DLGAP1: variants seen among roughly 807,000 people sequenced by gnomAD.
DLGAP1 encodes disks large-associated protein 1.
In DLGAP1, 11 loss-of-function variants were observed where a neutral mutation model predicts 90.8. That is an observed-to-expected ratio of 0.12 (90% CI 0.08 to 0.20). DLGAP1 has a LOEUF of 0.20. Among genes scored for constraint, DLGAP1 ranks in the 10% least tolerant of loss-of-function variants. The pLI is 1.00. For missense variants in DLGAP1, 1,050 were observed against 1,333.8 expected, an observed-to-expected ratio of 0.79 and a Z score of 3.31; for synonymous variants, 558 against 540.7, an observed-to-expected ratio of 1.03 and a Z score of -0.44.
intron 7 of DLGAP1, among the ~76,000 whole-genome samples, chr18:3,667,291 C>G (rs1166511489): frequency 6.6e-6 from 1 of 152,118 alleles, no homozygotes; most frequent in Non-Finnish European, 1.5e-5. Context: ...GTTGGCCAGG[C>G]TGGTCTCAAA....
chr18:3,585,980 C>G (rs1294543939), intron 7 of DLGAP1, among the ~76,000 whole-genome samples: 1 of 152,208 alleles, frequency 6.6e-6, no homozygotes, highest in African/African-American at 2.4e-5. Context: ...GGCTCCTACA[C>G]TCCCCAGGCC....
At chr18:3,574,779 TTTTTA>T (rs71366687) in intron 8 of DLGAP1, among the ~76,000 whole-genome samples, 12,981 of 140,782 alleles carry the variant, frequency 0.092, 1,176 homozygotes, top group African/African-American at 0.24. Context: ...ATAATGTGCC[TTTTTA>T]TTTTATTTTA....
chr18:3,896,438 C>T (rs1031052602), intron 3 of DLGAP1: 1 of 152,170 alleles, frequency 6.6e-6, no homozygotes, highest in African/African-American at 2.4e-5. Context: ...GATAATACTA[C>T]CATATTTCAT....
At chr18:4,313,462 T>C (rs2080452255) in intron 1 of DLGAP1, among the ~76,000 whole-genome samples, 2 of 152,122 alleles carry the variant, frequency 1.3e-5, no homozygotes, top group African/African-American at 4.8e-5. Flanking sequence ...GTCAAGAATA[T>C]TTTTATTACT....
In DLGAP1 at chr18:4,419,885, A is replaced by G. The variant is rs576365187; in HGVS notation, c.-267+35121T>C. On this transcript the variant is annotated intron_variant, in intron 1 of 12. Coordinates refer to ENST00000315677, the MANE Select transcript of DLGAP1 (RefSeq NM_004746.4). Reference sequence around the variant, plus strand: ...CAGGTAAGACAAATAGAAAACAGCTAACATAGAAGGCCAAAAAAATCAAAA... The same window carrying G: ...CAGGTAAGACAAATAGAAAACAGCTGACATAGAAGGCCAAAAAAATCAAAA... Among the ~76,000 whole-genome samples, 34 of 152,282 alleles carry G rather than the reference A, an allele frequency of 2.2e-4. No individual in the cohort carries two copies. In the East Asian group the frequency reaches 5.6e-3, roughly 25 times the overall value.
intron 1 of DLGAP1, among the ~76,000 whole-genome samples, chr18:4,439,296 C>A (rs1303868416): frequency 1.3e-5 from 2 of 152,232 alleles, no homozygotes; most frequent in African/African-American, 4.8e-5. Flanking sequence ...AGACTTCAAA[C>A]CAAACCTTTA....
chr18:4,387,923 TCACACATACACACACACACACA>T (rs1187414319), intron 1 of DLGAP1, among the ~76,000 whole-genome samples: 564 of 33,682 alleles, frequency 0.017, 4 homozygotes, highest in African/African-American at 0.032. Flanking sequence ...AGAGACTCCA[TCACACATACACACACACACACA>T]CACACACACA....
chr18:3,759,122 A>G (rs909396767), intron 5 of DLGAP1, among the ~76,000 whole-genome samples: 2 of 152,136 alleles, frequency 1.3e-5, no homozygotes, highest in Non-Finnish European at 2.9e-5. Flanking sequence ...AGACATTGCT[A>G]TTGTGAAGAG....
intron 1 of DLGAP1, among the ~76,000 whole-genome samples, chr18:4,433,766 T>C (rs28513385): frequency 0.064 from 9,698 of 152,302 alleles, 1,012 homozygotes; most frequent in African/African-American, 0.22. Flanking sequence ...TGCAAATATA[T>C]GTGACTGTCA....
intron 1 of DLGAP1, among the ~76,000 whole-genome samples, chr18:4,390,349 G>A (rs2082316857): frequency 6.6e-6 from 1 of 151,686 alleles, no homozygotes; most frequent in African/African-American, 2.4e-5. Context: ...TGTAATTGAT[G>A]AACCTCTATT....
At chr18:4,367,235 G>A (rs558812965) in intron 1 of DLGAP1, among the ~76,000 whole-genome samples, 48 of 151,310 alleles carry the variant, frequency 3.2e-4, no homozygotes, top group African/African-American at 8.3e-4. Flanking sequence ...AAGAACTTGC[G>A]TAGTATAACT....
intron 9 of DLGAP1, among the ~76,000 whole-genome samples, chr18:3,566,574 A>G (rs897652812): frequency 6.6e-6 from 1 of 152,160 alleles, no homozygotes; most frequent in Non-Finnish European, 1.5e-5. Context: ...CGTTACATGT[A>G]GCCTTGATTA....
chr18:4,121,158 A>G (rs1406068205), intron 2 of DLGAP1, among the ~76,000 whole-genome samples: 1 of 152,180 alleles, frequency 6.6e-6, no homozygotes, highest in Non-Finnish European at 1.5e-5. Context: ...CCATTAGGAA[A>G]GACCTGTTTT....
At chr18:3,874,025 T>C in intron 4 of DLGAP1, 4 of 1,477,536 alleles carry the variant, frequency 2.7e-6, no homozygotes, top group South Asian at 1.4e-5. Context: ...TCTTCCAGTC[T>C]TTCTAGCCAT....
chr18:3,803,478 G>A (rs761985861), intron 5 of DLGAP1, among the ~76,000 whole-genome samples: 1 of 152,186 alleles, frequency 6.6e-6, no homozygotes, highest in Non-Finnish European at 1.5e-5. Flanking sequence ...TGATGCTACC[G>A]AGGTGGTGGC....
chr18:3,677,718 G>A (rs2060358257), intron 7 of DLGAP1, among the ~76,000 whole-genome samples: 1 of 152,106 alleles, frequency 6.6e-6, no homozygotes, highest in African/African-American at 2.4e-5. Flanking sequence ...GAGTGCAATA[G>A]CACGATCTTG....
At chr18:3,747,867 A>AT in intron 5 of DLGAP1, among the ~76,000 whole-genome samples, 1 of 152,238 alleles carries the variant, frequency 6.6e-6, no homozygotes, top group East Asian at 1.9e-4. Context: ...TTGCCCACTT[A>AT]TAGAACAGAG....
At chr18:4,166,377 G>C (rs1353518709) in intron 1 of DLGAP1, among the ~76,000 whole-genome samples, 1 of 152,140 alleles carries the variant, frequency 6.6e-6, no homozygotes, top group Non-Finnish European at 1.5e-5. Context: ...ATAAGATTAT[G>C]AGTGTTGACA....
chr18:4,330,098 G>GT (rs2080914436), intron 1 of DLGAP1, among the ~76,000 whole-genome samples: 1 of 151,872 alleles, frequency 6.6e-6, no homozygotes, highest in Non-Finnish European at 1.5e-5. Flanking sequence ...AACTTTGATA[G>GT]TTTGTGTTTT....
Sources: gnomAD v4.1 joint callset for allele counts (sites outside exome capture counted in the v4.1 genomes callset) on GRCh38, gnomAD v4.1.1 for gene constraint, MANE v1.5 for transcripts, NCBI Gene and HGNC (gene_info 2026-07-23, HGNC 2026-07-21) for gene names.